Variants in ABCA2 observed in about 807,000 individuals in gnomAD.
The protein encoded by ABCA2 is ATP-binding cassette sub-family A member 2.
A neutral mutation model predicts 262.8 loss-of-function variants in ABCA2; 84 were observed. The observed-to-expected ratio is 0.32, with a 90% confidence interval of 0.27 to 0.38. The LOEUF (loss-of-function observed/expected upper bound fraction) is 0.38, where lower values mean the gene tolerates loss of function less well. Ranked by LOEUF, ABCA2 falls within the 10% of genes least tolerant of loss-of-function variation. The probability of loss-of-function intolerance (pLI) is 1.00; values close to 1 mark genes in which losing one functional copy is unlikely to be tolerated. For missense variants in ABCA2, 2,662 were observed against 3,405.9 expected, an observed-to-expected ratio of 0.78 and a Z score of 5.44; for synonymous variants, 1,696 against 1,502.9, an observed-to-expected ratio of 1.13 and a Z score of -2.97.
At position 137,013,213 on chromosome 9, in the gene ABCA2, C is replaced by T. The variant is rs751155003; in HGVS notation, c.4656G>A (p.Ser1552=). 1.4e-5 allele frequency: 23 copies of T among 1,597,304 alleles called. No homozygotes were observed. The highest frequency in any genetic ancestry group is 9.4e-5 in the African/African-American group (7 of 74,516). Residue 1552 remains serine (S), a synonymous_variant, in exon 30 of 49, where the codon TCG becomes TCA. Coordinates refer to ENST00000341511, the MANE Select transcript of ABCA2 (RefSeq NM_001606.5). Reference sequence around the variant, plus strand: ...TGCTCAGGTTCAACGTGGGCCCCAGCGAGCCGTTGGCGGGAGACTTGAGCA... The same window carrying T: ...TGCTCAGGTTCAACGTGGGCCCCAGTGAGCCGTTGGCGGGAGACTTGAGCA... ...TCVLKSPANG[S]LGPTLNLSSG...
At chr9:137,012,411 A>G in intron 32 of ABCA2, 35 bp from the exon 33 acceptor site, 1 of 1,603,830 alleles carries the variant, frequency 6.2e-7, no homozygotes, top group Non-Finnish European at 8.5e-7. Flanking sequence ...AGGCCCCAGG[A>G]CCTCAGACCT....
At chr9:137,015,137 G>T (rs761876666) in intron 24 of ABCA2, 40 bp from the exon 25 acceptor site, 1 of 1,535,292 alleles carries the variant, frequency 6.5e-7, no homozygotes, top group Non-Finnish European at 8.8e-7. Flanking sequence ...TCACTCAGGG[G>T]CTGGGAGGAG....
At chr9:137,014,498 G>A in intron 26 of ABCA2, 94 bp from the exon 27 acceptor site, 3 of 1,463,694 alleles carry the variant, frequency 2.0e-6, no homozygotes, top group Non-Finnish European at 1.8e-6. Flanking sequence ...CAGTTCCCAG[G>A]CTCATACACC....
chr9:137,016,527 T>C, intron 20 of ABCA2, 47 bp downstream of exon 20: 2 of 1,612,368 alleles, frequency 1.2e-6, no homozygotes, highest in Non-Finnish European at 1.7e-6. Flanking sequence ...CACCCAGGAC[T>C]CTGAACCCAG....
At position 137,016,637 on chromosome 9, in the gene ABCA2, G is replaced by A. The variant is rs546363333; in HGVS notation, c.2860C>T (p.Arg954Cys). 50 of 1,610,248 alleles carry A rather than the reference G, an allele frequency of 3.1e-5. No individual in the cohort carries two copies. The East Asian group carries it at 6.0e-4, about 19-fold the overall frequency. Residue 954 changes from arginine (R) to cysteine (C), a missense_variant, in exon 20 of 49, where the codon CGC (arginine) becomes TGC (cysteine). Around this residue, in one of 12 missense-constraint regions of ABCA2, gnomAD observed 133 missense variants for 150.8 expected, o/e 0.88. Transcript: ENST00000341511. The part of the protein sequence containing the change: ...EAWEWSWPWA[R>C]TPRLSVMEED... ...TCCATGACACTGAGGCGGGGGGTGC[G>A]TGCCCACGGCCAGCTCCACTCCCAG...
In ABCA2 at chr9:137,028,020, C is replaced by T. The variant is rs969178664; in HGVS notation, c.66+55G>A. ...GCACGTGCGCGCGGGGAGCGCGCCTCTGGCCGCGGTGCGCGCGGCCTCGGG... is the reference window on the plus strand; with the variant it reads ...GCACGTGCGCGCGGGGAGCGCGCCTTTGGCCGCGGTGCGCGCGGCCTCGGG... On this transcript the variant is annotated intron_variant, in intron 1 of 48. Coordinates refer to ENST00000341511, the MANE Select transcript of ABCA2 (RefSeq NM_001606.5). The surrounding 1 kb of genome is among the most constrained non-coding windows in gnomAD (Gnocchi z 6.9). The T allele has an allele frequency of 2.1e-6, 2 of 938,738 alleles. No homozygotes were observed. Among genetic ancestry groups the T allele is most frequent in the African/African-American group, 3.6e-5 (2 of 55,820 alleles). The allele number at this position is 938,738 out of a possible 1,614,324, so 58.2% of individuals were successfully genotyped here.
chr9:137,015,630 G>A (rs1831231067), intron 23 of ABCA2, 34 bp from the exon 24 acceptor site: 2 of 1,611,348 alleles, frequency 1.2e-6, no homozygotes, highest in Non-Finnish European at 8.5e-7. Flanking sequence ...TCAGGGGGCA[G>A]GGGAGGCGCC....
rs201200008 is a variant in ABCA2, at chr9:137,017,955, C to T, written c.2096+18G>A. 45 of 1,612,238 alleles carry T rather than the reference C, an allele frequency of 2.8e-5. No individual in the cohort carries two copies. Among genetic ancestry groups the T allele is most frequent in the South Asian group, 1.5e-4 (14 of 91,070 alleles). On this transcript the variant is annotated intron_variant, in intron 15 of 48. Transcript: ENST00000341511. ...TCAGCCCCAGCCCCAGCCCCAGCCCCGGGCGCCCAGCACTCACTCATCGCG... is the reference window on the plus strand; with the variant it reads ...TCAGCCCCAGCCCCAGCCCCAGCCCTGGGCGCCCAGCACTCACTCATCGCG...
In ABCA2 at chr9:137,014,364, C is replaced by T; in HGVS notation, c.4044G>A (p.Glu1348=). Residue 1348 remains glutamate (E), a synonymous_variant, in exon 27 of 49, where the codon GAG becomes GAA. Coordinates refer to ENST00000341511, the MANE Select transcript of ABCA2 (RefSeq NM_001606.5). The stretch of plus-strand genomic sequence containing the variant: ...CGTGACCCTCCCCAGACGCCGGGCC[C>T]TCCGCCCCAGGGAGCACATCCTTCC... ...ESRKDVLPGA[E]GPASGEGHAG... 3 of 1,598,220 alleles carry T rather than the reference C, an allele frequency of 1.9e-6. No homozygotes were observed. The highest frequency in any genetic ancestry group is 2.6e-6 in the Non-Finnish European group (3 of 1,173,080).
In ABCA2 at chr9:137,019,619, G is replaced by A. The variant is rs1325413096; in HGVS notation, c.1426-313C>T. 6 of 311,412 alleles carry A rather than the reference G, an allele frequency of 1.9e-5. No individual in the cohort carries two copies. The highest frequency in any genetic ancestry group is 2.4e-5 in the Non-Finnish European group (4 of 164,664). The allele number at this position is 311,412 out of a possible 1,614,324, so 19.3% of individuals were successfully genotyped here. On this transcript the variant is annotated intron_variant, in intron 10 of 48. Transcript: ENST00000341511. The surrounding 1 kb of genome is among the most constrained non-coding windows in gnomAD (Gnocchi z 4.4). ...GTATTTTTGGTAGAGACGGGCTTCC[G>A]CTATGTTGCTCGGGCTTGTCTCAAA...
chr9:137,024,331 C>T (rs1183258443), intron 1 of ABCA2, 95 bp from the exon 2 acceptor site: 7 of 1,095,438 alleles, frequency 6.4e-6, no homozygotes, highest in South Asian at 1.7e-5. Context: ...CAGACAGGAC[C>T]ACGTGCTCCC....
Position 137,011,285 on chromosome 9 carries a change from G to A in ABCA2, c.5824C>T (p.Leu1942=), listed in dbSNP as rs910281011. 5 of 1,612,394 alleles carry A rather than the reference G, an allele frequency of 3.1e-6. No homozygotes were observed. In the African/African-American group the frequency reaches 4.0e-5, roughly 13 times the overall value. ...GGGAAAATGAGGAAGCAGCTTTTCA[G>A]GTAACTGTTGACAACCTTCAGGTCC... The part of the protein sequence containing the change: ...DKDLKVVNSY[L]KSCFLIFPNY... Residue 1942 remains leucine (L), a synonymous_variant, in exon 38 of 49, where the codon CTG becomes TTG. Coordinates refer to ENST00000341511, the MANE Select transcript of ABCA2 (RefSeq NM_001606.5). The surrounding 1 kb of genome is among the most constrained non-coding windows in gnomAD (Gnocchi z 8.8).
chr9:137,007,832 T>C lies in ABCA2; in HGVS notation c.*97A>G. Reference sequence around the variant, plus strand: ...GGTCCTGAACCTCCACTCCAGGCCCTGGCAGGCACTGGGGGACTTCTGTCC... The same window carrying C: ...GGTCCTGAACCTCCACTCCAGGCCCCGGCAGGCACTGGGGGACTTCTGTCC... On this transcript the variant is annotated 3_prime_UTR_variant, in exon 49 of 49. Coordinates refer to ENST00000341511, the MANE Select transcript of ABCA2 (RefSeq NM_001606.5). 6.6e-7 allele frequency: 1 copy of C among 1,522,566 alleles called. No homozygotes were observed. Among genetic ancestry groups the C allele is most frequent in the Non-Finnish European group, 8.9e-7 (1 of 1,125,148 alleles). 94.3% of individuals were successfully genotyped at this position (1,522,566 alleles called of 1,614,324 possible). A position where few individuals can be genotyped will look rare whatever the true frequency, so the allele number is the denominator to read the frequency against.
Position 137,008,472 on chromosome 9 carries a change from C to T in ABCA2, c.7219G>A (p.Glu2407Lys), listed in dbSNP as rs1181168255. 3.8e-6 allele frequency: 6 copies of T among 1,565,770 alleles called. No individual in the cohort carries two copies. The highest frequency in any genetic ancestry group is 2.3e-5 in the South Asian group (2 of 85,552). ...TCCTCCGTGTCCAGGTCCTCGGGCT[C>T]GTCTGCCACAAGTGCCCGGAGCTCC... ...PTELRALVAD[E>K]PEDLDTEDEG... is the part of the protein sequence containing the mutation. The change falls in exon 48 of 49, where the codon GAG (glutamate) becomes AAG (lysine). Residue 2407 changes from glutamate to lysine, a missense_variant. This residue lies in a region of ABCA2 where 212 missense variants were observed against 214.4 expected (regional missense o/e 0.99). Coordinates refer to ENST00000341511, the MANE Select transcript of ABCA2 (RefSeq NM_001606.5).
chr9:137,012,234 G>C (rs45540434), intron 33 of ABCA2, 31 bp downstream of exon 33: 821 of 1,068,242 alleles, frequency 7.7e-4, no homozygotes, highest in South Asian at 2.0e-3. Context: ...GCTCCTCCCC[G>C]CCCCGCCCCG....
chr9:137,020,599 G>A (rs373130542), intron 9 of ABCA2, 95 bp downstream of exon 9: 21 of 1,552,464 alleles, frequency 1.4e-5, no homozygotes, highest in Admixed American at 7.2e-5. Context: ...AGGGCAGGGC[G>A]CCAAATGAGA....
chr9:137,020,783 T>C lies in ABCA2; in HGVS notation c.1176A>G (p.Ala392=). 1 of 1,592,882 alleles carries C rather than the reference T, an allele frequency of 6.3e-7. No individual in the cohort carries two copies. Among genetic ancestry groups the C allele is most frequent in the East Asian group, 2.3e-5 (1 of 44,032 alleles). ...CCTGCAGCGTGTCCGGGGTGGCCAG[T>C]GCTGCAGCAGAGGGTGCGCCCTCCT... is the stretch of plus-strand genomic sequence containing the variant. The part of the protein sequence containing the change: ...TAEEGAPSAA[A]LATPDTLQGQ... Residue 392 remains alanine (A), a synonymous_variant, in exon 9 of 49, where the codon GCA becomes GCG. Transcript: ENST00000341511.
upstream of ABCA2, chr9:137,028,914 G>C: frequency 7.7e-7 from 1 of 1,291,402 alleles, no homozygotes; most frequent in Non-Finnish European, 1.0e-6. The surrounding 1 kb of genome is among the most constrained non-coding windows in gnomAD (Gnocchi z 6.9). Flanking sequence ...TTCGGGATCA[G>C]GCGGTTCTGC....
chr9:137,018,926 C>T lies in ABCA2; in HGVS notation c.1699G>A (p.Gly567Ser), dbSNP rs768403966. 19 of 1,612,476 alleles carry T rather than the reference C, an allele frequency of 1.2e-5. 1 individual carries two copies. Among genetic ancestry groups the T allele is most frequent in the Middle Eastern group, 1.6e-4 (1 of 6,078 alleles). The stretch of plus-strand genomic sequence containing the variant: ...ACCTTGGACATGAACTGGATCCAGC[C>T]GCAGGCCGCGTTGTCAATGGTATCC... ...QLDTIDNAAC[G>S]WIQFMSKVSV... Residue 567 changes from glycine (G) to serine (S), a missense_variant, in exon 12 of 49, where the codon GGC becomes AGC. This residue lies in a region of ABCA2 where 187 missense variants were observed against 205.9 expected (regional missense o/e 0.91). Coordinates refer to ENST00000341511, the MANE Select transcript of ABCA2 (RefSeq NM_001606.5).
Sources: allele counts gnomAD v4.1 joint callset, GRCh38; gene constraint gnomAD v4.1.1; regional missense constraint gnomAD v4.1.1; non-coding constraint Gnocchi (gnomAD v3.1); transcripts MANE v1.5; gene names NCBI Gene and HGNC (gene_info 2026-07-23, HGNC 2026-07-21).